MACROD1: variants seen among roughly 807,000 people sequenced by gnomAD.
MACROD1 encodes mono-ADP ribosylhydrolase 1.
In MACROD1, 31 loss-of-function variants were observed where a neutral mutation model predicts 41.4. The observed-to-expected ratio is 0.75, with a 90% CI of 0.56 to 1.01. The LOEUF (loss-of-function observed/expected upper bound fraction) is 1.01, where lower values mean the gene tolerates loss of function less well. MACROD1 is among the 50% of genes least tolerant of loss of function. The pLI, the probability that MACROD1 is intolerant of heterozygous loss-of-function variation, is 0.00. For synonymous variants in MACROD1, 252 were observed against 203.4 expected (o/e 1.24, Z -2.03); for missense variants, 473 against 460.0 (o/e 1.03, Z -0.26).
chr11:64,102,334 G>C (rs1944684898), intron 3 of MACROD1, among the ~76,000 whole-genome samples: 1 of 151,778 alleles, frequency 6.6e-6, no homozygotes, highest in South Asian at 2.1e-4. Flanking sequence ...CTGTGTGGAA[G>C]AGGAGGGCGG....
chr11:64,092,504 T>G (rs746001788), intron 3 of MACROD1, among the ~76,000 whole-genome samples: 34 of 152,186 alleles, frequency 2.2e-4, no homozygotes, highest in Non-Finnish European at 3.8e-4. Flanking sequence ...TGACACAGCA[T>G]CCACGATGGG....
At chr11:64,132,651 G>T (rs34113693) in intron 3 of MACROD1, among the ~76,000 whole-genome samples, 25,394 of 152,186 alleles carry the variant, frequency 0.17, 2,341 homozygotes, top group Admixed American at 0.28. Flanking sequence ...CTGGCACAGA[G>T]AGATGCTTGG....
chr11:64,000,395 G>A lies in MACROD1; in HGVS notation c.548-52C>T, dbSNP rs778144881. 4.8e-6 allele frequency: 6 copies of A among 1,240,648 alleles called. No homozygotes were observed. The Admixed American group carries it at 1.5e-4, about 32-fold the overall frequency. 76.9% of individuals were successfully genotyped at this position (1,240,648 alleles called of 1,614,324 possible). A position where few individuals can be genotyped will look rare whatever the true frequency, so the allele number is the denominator to read the frequency against. The stretch of plus-strand genomic sequence containing the variant: ...CTGGCCTGGCAAGGCTGCGGCCCCG[G>A]GGTGAGCACCCTCAGTCCCGAGAAG... On this transcript the variant is annotated intron_variant, in intron 4 of 10. Transcript: ENST00000255681.
At chr11:64,133,498 C>T (rs1360807713) in intron 3 of MACROD1, among the ~76,000 whole-genome samples, 1 of 152,086 alleles carries the variant, frequency 6.6e-6, no homozygotes, top group Non-Finnish European at 1.5e-5. Context: ...AAGTGTGGCT[C>T]GCGTTCTCTC....
At chr11:64,074,994 T>C (rs1271529463) in intron 3 of MACROD1, among the ~76,000 whole-genome samples, 1 of 152,170 alleles carries the variant, frequency 6.6e-6, no homozygotes, top group East Asian at 1.9e-4. Flanking sequence ...CTCCTTAAGG[T>C]TGAAAAGGGA....
chr11:64,110,116 G>A (rs1388610434), intron 3 of MACROD1, among the ~76,000 whole-genome samples: 2 of 152,084 alleles, frequency 1.3e-5, no homozygotes, highest in African/African-American at 4.8e-5. Flanking sequence ...TATAGATGAG[G>A]AAATCAAACC....
intron 3 of MACROD1, among the ~76,000 whole-genome samples, chr11:64,017,449 G>A (rs1364409878): frequency 1.3e-5 from 2 of 152,144 alleles, no homozygotes; most frequent in Admixed American, 6.5e-5. Flanking sequence ...AGCAGAATTG[G>A]AAGAGTCTGT....
At chr11:64,159,565 C>T (rs943075368) in intron 1 of MACROD1, among the ~76,000 whole-genome samples, 2 of 151,450 alleles carry the variant, frequency 1.3e-5, no homozygotes, top group African/African-American at 4.9e-5. Context: ...GAGGCCAAGG[C>T]GGGCGGATCA....
In MACROD1 at chr11:64,165,965, G is replaced by A. The variant is rs1945838474; in HGVS notation, c.30C>T (p.Arg10=). The change falls in exon 1 of 11, where the codon CGC becomes CGT. Residue 10 remains arginine (R), a synonymous_variant. Coordinates refer to ENST00000255681, the MANE Select transcript of MACROD1 (RefSeq NM_014067.4). ...GCCCCGCCGCGCGCAGCTGTGCCAG[G>A]CGGCCGGACAGTCGGCTCTGTAGAG... MSLQSRLSG[R]LAQLRAAGQL... The A allele has an allele frequency of 1.5e-6, 2 of 1,296,790 alleles. No homozygotes were observed. Among genetic ancestry groups the A allele is most frequent in the East Asian group, 3.1e-5 (1 of 32,288 alleles). 80.3% of individuals were successfully genotyped at this position (1,296,790 alleles called of 1,614,324 possible). A position where few individuals can be genotyped will look rare whatever the true frequency, so the allele number is the denominator to read the frequency against.
intron 3 of MACROD1, chr11:64,118,187 C>G: frequency 1.2e-6 from 2 of 1,613,548 alleles, no homozygotes; most frequent in Non-Finnish European, 1.7e-6. Flanking sequence ...CTATCTTCCC[C>G]TCCAACGGCA....
At chr11:64,041,218 A>AAAAAAAAAAAAAAAAAAC in intron 3 of MACROD1, among the ~76,000 whole-genome samples, 1 of 148,622 alleles carries the variant, frequency 6.7e-6, no homozygotes, top group African/African-American at 2.5e-5. Flanking sequence ...AAAAAAAAAA[A>AAAAAAAAAAAAAAAAAAC]AAAAAAAAAA....
intron 3 of MACROD1, among the ~76,000 whole-genome samples, chr11:64,085,402 C>T (rs911452680): frequency 6.6e-5 from 10 of 152,290 alleles, no homozygotes; most frequent in Admixed American, 1.3e-4. Context: ...GCCTGCCTTC[C>T]GGGGACGGAG....
intron 3 of MACROD1, among the ~76,000 whole-genome samples, chr11:64,022,836 C>T (rs544276776): frequency 7.8e-4 from 117 of 150,190 alleles, no homozygotes; most frequent in Non-Finnish European, 1.2e-3. Flanking sequence ...TTTATGGGCA[C>T]CAAGTGCATC....
At chr11:64,137,278 C>T (rs776968734) in intron 3 of MACROD1, among the ~76,000 whole-genome samples, 27 of 152,018 alleles carry the variant, frequency 1.8e-4, no homozygotes, top group Non-Finnish European at 3.1e-4. Context: ...AGGGCAGCGG[C>T]GGGGGGGTCT....
At chr11:64,086,739 TAC>T (rs1457171302) in intron 3 of MACROD1, among the ~76,000 whole-genome samples, 1 of 152,144 alleles carries the variant, frequency 6.6e-6, no homozygotes, top group Non-Finnish European at 1.5e-5. Context: ...GTGCTCACAG[TAC>T]AGAGATGTAG....
At chr11:64,155,738 C>A (rs1325367219) in intron 1 of MACROD1, among the ~76,000 whole-genome samples, 1 of 152,130 alleles carries the variant, frequency 6.6e-6, no homozygotes, top group Non-Finnish European at 1.5e-5. Flanking sequence ...CCAAGGCAAG[C>A]CAATCACCTG....
At chr11:64,148,125 A>G (rs1945522209) in intron 3 of MACROD1, among the ~76,000 whole-genome samples, 2 of 151,546 alleles carry the variant, frequency 1.3e-5, no homozygotes, top group Non-Finnish European at 2.9e-5. Flanking sequence ...GGGCAGGGGG[A>G]CACCTGGCAA....
chr11:64,039,708 T>C (rs1192447918), intron 3 of MACROD1, among the ~76,000 whole-genome samples: 2 of 152,192 alleles, frequency 1.3e-5, no homozygotes, highest in African/African-American at 4.8e-5. Context: ...TGTGTTTGCC[T>C]GTTTACCATC....
At position 63,999,399 on chromosome 11, in the gene MACROD1, G is replaced by A. The variant is rs1942776976; in HGVS notation, c.823C>T (p.Pro275Ser). The A allele has an allele frequency of 6.3e-7, 1 of 1,588,802 alleles. No individual in the cohort carries two copies. Among genetic ancestry groups the A allele is most frequent in the Non-Finnish European group, 8.5e-7 (1 of 1,171,272 alleles). ...ACGATCTCGGCGGCCGCCTCACAGG[G>A]GTAGCCTGAGGCGGGTGGGGCGGGA... The part of the protein sequence containing the change: ...PCISTGVFGY[P>S]CEAAAEIVLA... Residue 275 changes from proline to serine, a missense_variant, in exon 8 of 11, where the codon CCC becomes TCC. Transcript: ENST00000255681.
Sources: allele counts gnomAD v4.1 joint callset (sites outside exome capture counted in the v4.1 genomes callset), GRCh38; gene constraint gnomAD v4.1.1; transcripts MANE v1.5; gene names NCBI Gene and HGNC (gene_info 2026-07-23, HGNC 2026-07-21).